Variants in ERC2 observed in about 807,000 individuals in gnomAD.
ERC2 encodes the protein ERC protein 2.
A neutral mutation model predicts 114.8 loss-of-function variants in ERC2; 42 were observed. That is an observed-to-expected ratio of 0.37 (90% CI 0.29 to 0.47). The LOEUF is 0.47. Among genes scored for constraint, ERC2 ranks in the 20% least tolerant of loss-of-function variants. ERC2 has a pLI of 0.99. For missense variants in ERC2, 939 were observed against 1,150.7 expected (o/e 0.82, Z 2.66); for synonymous variants, 454 against 425.5 (o/e 1.07, Z -0.82).
At chr3:55,935,382 G>A (rs2066374439) in intron 13 of ERC2, among the ~76,000 whole-genome samples, 1 of 152,220 alleles carries the variant, frequency 6.6e-6, no homozygotes, top group South Asian at 2.1e-4. Context: ...TGGTGGCTGT[G>A]ACGTAGTCCT....
chr3:56,432,698 A>G (rs764769893), intron 2 of ERC2, among the ~76,000 whole-genome samples: 3 of 152,244 alleles, frequency 2.0e-5, no homozygotes, highest in Non-Finnish European at 4.4e-5. Flanking sequence ...CCAGGGAAAC[A>G]GTTAGGAGGG....
At chr3:55,550,838 A>T (rs1190396603) in intron 17 of ERC2, among the ~76,000 whole-genome samples, 1 of 152,154 alleles carries the variant, frequency 6.6e-6, no homozygotes, top group Non-Finnish European at 1.5e-5. Context: ...AACACGGTGA[A>T]ACCCCATCTC....
chr3:55,668,631 C>T (rs1215927379), intron 17 of ERC2, among the ~76,000 whole-genome samples: 1 of 152,124 alleles, frequency 6.6e-6, no homozygotes, highest in Non-Finnish European at 1.5e-5. Flanking sequence ...GTGTGTTGCC[C>T]CTCTTGACCT....
At chr3:55,717,242 AT>A (rs937783815) in intron 15 of ERC2, among the ~76,000 whole-genome samples, 2 of 152,182 alleles carry the variant, frequency 1.3e-5, no homozygotes, top group African/African-American at 4.8e-5. Context: ...CATCTGTATC[AT>A]TTTTATAATT....
At chr3:55,588,039 C>T (rs1487068334) in intron 17 of ERC2, among the ~76,000 whole-genome samples, 2 of 152,146 alleles carry the variant, frequency 1.3e-5, no homozygotes, top group Non-Finnish European at 2.9e-5. Context: ...TGAGTTGAAG[C>T]CATAAGTAAA....
intron 14 of ERC2, among the ~76,000 whole-genome samples, chr3:55,819,823 G>A (rs2060049567): frequency 6.6e-6 from 1 of 152,204 alleles, no homozygotes; most frequent in Admixed American, 6.5e-5. Flanking sequence ...TCAAACCTGG[G>A]AAACATGAAC....
At chr3:55,526,615 A>G (rs1418825767) in intron 17 of ERC2, among the ~76,000 whole-genome samples, 1 of 152,212 alleles carries the variant, frequency 6.6e-6, no homozygotes, top group East Asian at 1.9e-4. Flanking sequence ...TGAAAGCCCC[A>G]ACAGGTTTTT....
At chr3:55,847,290 T>A (rs1178080403) in intron 14 of ERC2, among the ~76,000 whole-genome samples, 1 of 152,202 alleles carries the variant, frequency 6.6e-6, no homozygotes, top group African/African-American at 2.4e-5. Flanking sequence ...ATTTTCACCC[T>A]CCTTTTTATT....
chr3:55,601,561 G>A lies in ERC2; in HGVS notation c.*39+82233C>T, dbSNP rs567553574. Among the ~76,000 whole-genome samples the A allele has an allele frequency of 4.6e-5, 7 of 152,268 alleles. No homozygotes were observed. In the South Asian group the frequency reaches 8.3e-4, roughly 18 times the overall value. Reference sequence around the variant, plus strand: ...GTCCTTCGGCACTGTAAAATGCCACGAGTCCAGGAAACAAGTGCTTCCTGC... The same window carrying A: ...GTCCTTCGGCACTGTAAAATGCCACAAGTCCAGGAAACAAGTGCTTCCTGC... On this transcript the variant is annotated intron_variant, in intron 17 of 17. Coordinates refer to ENST00000288221, the MANE Select transcript of ERC2 (RefSeq NM_015576.3).
intron 2 of ERC2, among the ~76,000 whole-genome samples, chr3:56,389,423 A>T (rs1165829979): frequency 6.6e-6 from 1 of 152,172 alleles, no homozygotes. Context: ...CCAGAGTTAC[A>T]TGCGAAATAC....
intron 6 of ERC2, among the ~76,000 whole-genome samples, chr3:56,103,974 G>T (rs941490821): frequency 6.6e-6 from 1 of 152,158 alleles, no homozygotes; most frequent in African/African-American, 2.4e-5. Context: ...CAGCGGCACT[G>T]CTAGCCCAGT....
intron 4 of ERC2, among the ~76,000 whole-genome samples, chr3:56,166,392 T>C (rs1358946658): frequency 6.6e-6 from 1 of 152,078 alleles, no homozygotes; most frequent in African/African-American, 2.4e-5. Flanking sequence ...TAAAACAAGA[T>C]GGGAAATGCT....
chr3:56,318,341 A>AATTTTTGT (rs929252509), intron 2 of ERC2, among the ~76,000 whole-genome samples: 2 of 151,886 alleles, frequency 1.3e-5, no homozygotes, highest in Non-Finnish European at 2.9e-5. Flanking sequence ...ATGCCGAGCT[A>AATTTTTGT]ATTTTTGTAT....
intron 7 of ERC2, among the ~76,000 whole-genome samples, chr3:56,058,607 CT>C (rs1015346482): frequency 6.6e-6 from 1 of 152,176 alleles, no homozygotes; most frequent in African/African-American, 2.4e-5. Context: ...GCAGATTACC[CT>C]CCATAATGTG....
At chr3:56,435,236 A>C (rs541596484) in intron 1 of ERC2, 89 bp from the exon 2 acceptor site, 2 of 449,846 alleles carry the variant, frequency 4.4e-6, no homozygotes, top group East Asian at 8.3e-5. Flanking sequence ...ATAATGATAG[A>C]TGTACCTATG....
At chr3:55,673,567 G>C (rs2061652229) in intron 17 of ERC2, among the ~76,000 whole-genome samples, 1 of 151,996 alleles carries the variant, frequency 6.6e-6, no homozygotes. Flanking sequence ...CGGTGACAAA[G>C]CAAGACTCCG....
At chr3:55,821,256 G>C (rs1200801570) in intron 14 of ERC2, among the ~76,000 whole-genome samples, 1 of 152,122 alleles carries the variant, frequency 6.6e-6, no homozygotes, top group Non-Finnish European at 1.5e-5. Flanking sequence ...ACTGCCAAAA[G>C]TTATTCCCCA....
At chr3:55,705,659 C>T (rs891526254) in intron 15 of ERC2, among the ~76,000 whole-genome samples, 1 of 152,096 alleles carries the variant, frequency 6.6e-6, no homozygotes, top group African/African-American at 2.4e-5. Flanking sequence ...CTTCCCTGAG[C>T]ACTGGTCTGA....
At chr3:55,621,139 G>A (rs150922159) in intron 17 of ERC2, among the ~76,000 whole-genome samples, 58 of 151,332 alleles carry the variant, frequency 3.8e-4, no homozygotes, top group Non-Finnish European at 7.7e-4. Context: ...CTAAAACCCC[G>A]ATTTGACTCT....
Sources: gnomAD v4.1 joint callset for allele counts (sites outside exome capture counted in the v4.1 genomes callset) on GRCh38, gnomAD v4.1.1 for gene constraint, MANE v1.5 for transcripts, NCBI Gene and HGNC (gene_info 2026-07-23, HGNC 2026-07-21) for gene names.